CPAMD8: variants seen among roughly 807,000 people sequenced by gnomAD.
CPAMD8 encodes the protein C3 and PZP like alpha-2-macroglobulin domain containing 8.
CPAMD8 carries 146 observed loss-of-function variants against 224.7 expected under a neutral mutation model. That is an observed-to-expected ratio of 0.65 (90% CI 0.57 to 0.75). The LOEUF is 0.75. Ranked by LOEUF, CPAMD8 falls within the 30% of genes least tolerant of loss-of-function variation. The pLI, the probability that CPAMD8 is intolerant of heterozygous loss-of-function variation, is 0.00. For synonymous variants in CPAMD8, 966 were observed against 1,044.6 expected (o/e 0.92, Z 1.45); for missense variants, 2,301 against 2,537.5 (o/e 0.91, Z 2.00).
At chr19:17,020,738 G>T (rs1416710583) in intron 2 of CPAMD8, among the ~76,000 whole-genome samples, 1 of 152,150 alleles carries the variant, frequency 6.6e-6, no homozygotes, top group South Asian at 2.1e-4. Flanking sequence ...GTCCCCAGTG[G>T]ACCTGACTGT....
chr19:16,974,295 A>C (rs1414015985), intron 17 of CPAMD8, among the ~76,000 whole-genome samples: 4 of 151,816 alleles, frequency 2.6e-5, no homozygotes, highest in Admixed American at 2.6e-4. Flanking sequence ...AGCCCTTTTT[A>C]AGATGGGTAA....
chr19:17,000,850 G>C (rs1273355283), intron 9 of CPAMD8, among the ~76,000 whole-genome samples: 1 of 152,212 alleles, frequency 6.6e-6, no homozygotes, highest in African/African-American at 2.4e-5. Flanking sequence ...AGAGGCACCT[G>C]AGCCTAAGCG....
In CPAMD8 at chr19:16,899,506, G is replaced by T; in HGVS notation, c.4817C>A (p.Ala1606Asp). 1 of 1,580,782 alleles carries T rather than the reference G, an allele frequency of 6.3e-7. No individual in the cohort carries two copies. The highest frequency in any genetic ancestry group is 8.7e-7 in the Non-Finnish European group (1 of 1,150,046). ...KHMGMKRYEV[A>D]GRRVLFYFDE... The stretch of plus-strand genomic sequence containing the variant: ...AAAGTAGAAGAGCACTCGGCGTCCA[G>T]CCACTTCATACCTCTTCATCCCCAT... Residue 1606 changes from alanine (A) to aspartate (D), a missense_variant, in exon 37 of 42, where the codon GCT becomes GAT. Transcript: ENST00000443236. The surrounding 1 kb of genome is among the most constrained non-coding windows in gnomAD (Gnocchi z 5.4).
In CPAMD8 at chr19:16,902,774, G is replaced by A; in HGVS notation, c.4560C>T (p.Arg1520=). 6.3e-7 allele frequency: 1 copy of A among 1,591,060 alleles called. No individual in the cohort carries two copies. Among genetic ancestry groups the A allele is most frequent in the Non-Finnish European group, 8.6e-7 (1 of 1,164,992 alleles). ...CTGCGGAGGCAGGCATGGGGGGCGG[G>A]CGTCCCTGGGCCTCAGGCTCCTGGA... ...VSLQEPEAQG[R]PPPMPASAAE... is the part of the protein sequence containing the mutation. Residue 1520 remains arginine, a synonymous_variant, in exon 35 of 42, where the codon CGC becomes CGT. Transcript: ENST00000443236.
In CPAMD8 at chr19:16,896,558, C is replaced by T. The variant is rs1160514029; in HGVS notation, c.5173G>A (p.Gly1725Ser). Reference sequence around the variant, plus strand: ...CTGGCGTAGACCACCCCGTCGGAGCCGCACACCGGGTTCCCCTGGGCGCCG... The same window carrying T: ...CTGGCGTAGACCACCCCGTCGGAGCTGCACACCGGGTTCCCCTGGGCGCCG... ...DCGAQGNPVC[G>S]SDGVVYASAC... The change falls in exon 40 of 42, where the codon GGC (glycine) becomes AGC (serine). Residue 1725 changes from glycine (G) to serine (S), a missense_variant. Gly to Ser is a moderately conservative substitution (Grantham distance 56, BLOSUM62 0). This residue lies in a region of CPAMD8 where 1,709 missense variants were observed against 1,753.2 expected (regional missense o/e 0.97). Coordinates refer to ENST00000443236, the MANE Select transcript of CPAMD8 (RefSeq NM_015692.5). The T allele has an allele frequency of 4.0e-6, 6 of 1,507,304 alleles. No homozygotes were observed. Among genetic ancestry groups the T allele is most frequent in the Non-Finnish European group, 5.3e-6 (6 of 1,134,694 alleles). 93.4% of individuals were successfully genotyped at this position (1,507,304 alleles called of 1,614,324 possible). A position where few individuals can be genotyped will look rare whatever the true frequency, so the allele number is the denominator to read the frequency against.
At chr19:16,951,019 A>G (rs566510616) in intron 20 of CPAMD8, among the ~76,000 whole-genome samples, 2 of 152,118 alleles carry the variant, frequency 1.3e-5, no homozygotes, top group East Asian at 3.9e-4. Flanking sequence ...TCCAAGAGAG[A>G]GCTTTGGCCT....
intron 25 of CPAMD8, among the ~76,000 whole-genome samples, chr19:16,926,214 C>T (rs776035407): frequency 4.6e-5 from 7 of 152,120 alleles, no homozygotes; most frequent in African/African-American, 1.4e-4. Context: ...CTTGACATTC[C>T]GTATTCCTCT....
intron 8 of CPAMD8, 69 bp from the exon 9 acceptor site, chr19:17,002,419 G>A (rs370171742): frequency 3.6e-5 from 36 of 1,013,756 alleles, no homozygotes; most frequent in African/African-American, 1.9e-4. Context: ...CCCTGACACC[G>A]GTGCAAGGTG....
Position 16,899,431 on chromosome 19 carries a change from T to G in CPAMD8, c.4848+44A>C, listed in dbSNP as rs374966464. The G allele has an allele frequency of 1.0e-5, 9 of 878,988 alleles. No homozygotes were observed. The highest frequency in any genetic ancestry group is 1.6e-5 in the Non-Finnish European group (8 of 509,542). 54.4% of individuals were successfully genotyped at this position (878,988 alleles called of 1,614,324 possible). ...AGTGACCGGTGCACCCTCACCAACATGCACACCAGGGAAGCCTCCTCCACC... is the reference window on the plus strand; with the variant it reads ...AGTGACCGGTGCACCCTCACCAACAGGCACACCAGGGAAGCCTCCTCCACC... On this transcript the variant is annotated intron_variant, in intron 37 of 41. Transcript: ENST00000443236. This position sits in a 1 kb window ranked among gnomAD's most constrained non-coding sequence, Gnocchi z 5.4.
chr19:16,893,565 T>A, intron 41 of CPAMD8: 2 of 463,532 alleles, frequency 4.3e-6, no homozygotes, highest in Non-Finnish European at 7.7e-6. Context: ...CCGGAGAAGA[T>A]GGGCAAATGC....
intron 29 of CPAMD8, among the ~76,000 whole-genome samples, chr19:16,909,543 CA>C (rs1434592476): frequency 6.6e-6 from 1 of 151,728 alleles, no homozygotes; most frequent in Non-Finnish European, 1.5e-5. Context: ...GACTCCATCT[CA>C]AAAAGGGAAA....
chr19:16,942,538 C>T (rs1021985823), intron 22 of CPAMD8, among the ~76,000 whole-genome samples: 4 of 152,138 alleles, frequency 2.6e-5, no homozygotes, highest in Non-Finnish European at 2.9e-5. Flanking sequence ...AATGTAAGAA[C>T]GAACTAATAC....
At chr19:16,939,207 C>CTATA (rs2053802627) in intron 22 of CPAMD8, among the ~76,000 whole-genome samples, 1 of 131,110 alleles carries the variant, frequency 7.6e-6, no homozygotes, top group African/African-American at 2.9e-5. Flanking sequence ...ATCTATGTAT[C>CTATA]TATCTATCTA....
chr19:16,949,573 G>A (rs1182888074), intron 20 of CPAMD8, among the ~76,000 whole-genome samples: 2 of 152,110 alleles, frequency 1.3e-5, no homozygotes, highest in East Asian at 1.9e-4. Context: ...CGCTGCCTTG[G>A]TTGCTTCCTG....
In CPAMD8 at chr19:16,969,423, G is replaced by A. The variant is rs1833646086; in HGVS notation, c.2213+1468C>T. ...CAGTGCAGAGGACACCCCTCACAGT[G>A]CACAGAATAATCCTACCCTGCAATG... On this transcript the variant is annotated intron_variant, in intron 18 of 41. Coordinates refer to ENST00000443236, the MANE Select transcript of CPAMD8 (RefSeq NM_015692.5). Among the ~76,000 whole-genome samples the A allele has an allele frequency of 2.0e-5, 3 of 152,292 alleles. No individual in the cohort carries two copies. The South Asian group carries it at 6.2e-4, about 32-fold the overall frequency.
chr19:17,004,204 C>T, intron 8 of CPAMD8, 69 bp downstream of exon 8: 4 of 1,101,064 alleles, frequency 3.6e-6, no homozygotes, highest in Non-Finnish European at 5.5e-6. Context: ...TTGCACCCGG[C>T]CTTCTTCACC....
At chr19:16,999,822 G>GT (rs946128205) in intron 10 of CPAMD8, among the ~76,000 whole-genome samples, 4 of 151,946 alleles carry the variant, frequency 2.6e-5, no homozygotes, top group African/African-American at 4.8e-5. Flanking sequence ...GTTTATTAGT[G>GT]TTTTTTTGTT....
In CPAMD8 at chr19:16,904,212, C is replaced by A; in HGVS notation, c.4251+14G>T. 1.3e-6 allele frequency: 2 copies of A among 1,560,254 alleles called. No individual in the cohort carries two copies. The highest frequency in any genetic ancestry group is 1.7e-6 in the Non-Finnish European group (2 of 1,145,496). On this transcript the variant is annotated intron_variant, in intron 32 of 41. Coordinates refer to ENST00000443236, the MANE Select transcript of CPAMD8 (RefSeq NM_015692.5). ...CCAGCCCTGAGCCCCTCCCTCTGGCCCTGCCCGGCTCGCCTGAGTGGAGGA... is the reference window on the plus strand; with the variant it reads ...CCAGCCCTGAGCCCCTCCCTCTGGCACTGCCCGGCTCGCCTGAGTGGAGGA...
chr19:16,959,427 G>C (rs780333417), intron 18 of CPAMD8, among the ~76,000 whole-genome samples: 1 of 151,678 alleles, frequency 6.6e-6, no homozygotes, highest in Non-Finnish European at 1.5e-5. Context: ...CACCCGCCTC[G>C]GCCTCCCAAA....
Sources: allele counts gnomAD v4.1 joint callset (sites outside exome capture counted in the v4.1 genomes callset), GRCh38; gene constraint gnomAD v4.1.1; regional missense constraint gnomAD v4.1.1; non-coding constraint Gnocchi (gnomAD v3.1); transcripts MANE v1.5; gene names NCBI Gene and HGNC (gene_info 2026-07-23, HGNC 2026-07-21).